PTDSS2: variants seen among roughly 807,000 people sequenced by gnomAD.
PTDSS2 encodes PSS-2.
Under a neutral mutation model 64.7 loss-of-function variants are expected in PTDSS2, and 41 were observed. The observed-to-expected ratio is 0.63, with a 90% CI of 0.49 to 0.82. The LOEUF (loss-of-function observed/expected upper bound fraction) is 0.82. Ranked by LOEUF, PTDSS2 falls within the 40% of genes least tolerant of loss-of-function variation. PTDSS2 has a pLI of 0.00. For missense variants in PTDSS2, 485 were observed against 650.0 expected (o/e 0.75, Z 2.76); for synonymous variants, 297 against 277.8 (o/e 1.07, Z -0.69).
rs112128143 is a variant in PTDSS2 at position 486,720 on chromosome 11, C to T, written c.436-219C>T. 8.2e-3 allele frequency among the ~76,000 whole-genome samples: 1,251 copies of T among 152,090 alleles called. 21 individuals are homozygous for T. The highest frequency in any genetic ancestry group is 0.029 in the African/African-American group (1,186 of 41,496). On this transcript the variant is annotated intron_variant, in intron 4 of 11. Coordinates refer to ENST00000308020, the MANE Select transcript of PTDSS2 (RefSeq NM_030783.3). ...AATACTAGCCGGGCGTGGTGGCGGG[C>T]GCCTGTAGTCCCAGCTACTCGGGAG... is the stretch of plus-strand genomic sequence containing the variant.
chr11:487,462 T>G lies in PTDSS2; in HGVS notation c.613T>G (p.Tyr205Asp), dbSNP rs1409830731. ...TGTTCCCGCGCACTTTCTTGGCTGG[T>G]ACCTGAAGGTACGGCACCTCCTCTT... ...GFVPAHFLGW[Y>D]LKTLMIRDWW... The change falls in exon 6 of 12, where the codon TAC becomes GAC. Residue 205 changes from tyrosine (Y) to aspartate (D), a missense_variant. Tyr to Asp is a radical substitution (Grantham distance 160). Coordinates refer to ENST00000308020, the MANE Select transcript of PTDSS2 (RefSeq NM_030783.3). The G allele has an allele frequency of 3.7e-6, 6 of 1,613,848 alleles. No homozygotes were observed. Among genetic ancestry groups the G allele is most frequent in the Non-Finnish European group, 5.1e-6 (6 of 1,179,948 alleles).
chr11:479,201 G>A lies in PTDSS2; in HGVS notation c.435+49G>A, dbSNP rs1259959456. 6.8e-7 allele frequency: 1 copy of A among 1,471,606 alleles called. No individual in the cohort carries two copies. The highest frequency in any genetic ancestry group is 9.5e-7 in the Non-Finnish European group (1 of 1,049,876). The allele number at this position is 1,471,606 out of a possible 1,614,324, so 91.2% of individuals were successfully genotyped here. On this transcript the variant is annotated intron_variant, in intron 4 of 11. Coordinates refer to ENST00000308020, the MANE Select transcript of PTDSS2 (RefSeq NM_030783.3). This position sits in a 1 kb window ranked among gnomAD's most constrained non-coding sequence, Gnocchi z 4.2. The stretch of plus-strand genomic sequence containing the variant: ...TACCTGGGAACTTAGGTGACAGTGT[G>A]GCCCCAGGCATGGTGACAAAGGAGG...
At chr11:486,741 G>T (rs1165862148) in intron 4 of PTDSS2, 198 bp from the exon 5 acceptor site, 3 of 253,828 alleles carry the variant, frequency 1.2e-5, no homozygotes, top group African/African-American at 4.6e-5. Context: ...CCAGCTACTC[G>T]GGAGGCTGAG....
intron 7 of PTDSS2, 32 bp from the exon 8 acceptor site, chr11:488,497 C>T: frequency 1.3e-6 from 2 of 1,573,950 alleles, no homozygotes; most frequent in South Asian, 2.2e-5. Flanking sequence ...TTACCCCTCA[C>T]CCCTGCAACG....
intron 6 of PTDSS2, among the ~76,000 whole-genome samples, chr11:487,817 C>T (rs1848464017): frequency 6.6e-6 from 1 of 152,232 alleles, no homozygotes; most frequent in Non-Finnish European, 1.5e-5. Flanking sequence ...CTGCAGCCCA[C>T]CCTGGCAGAG....
In PTDSS2 at chr11:486,932, C is replaced by G. The variant is rs757731658; in HGVS notation, c.436-7C>G. 20 of 1,607,862 alleles carry G rather than the reference C, an allele frequency of 1.2e-5. No individual in the cohort carries two copies. In the South Asian group the frequency reaches 2.2e-4, roughly 18 times the overall value. The stretch of plus-strand genomic sequence containing the variant: ...TAGCCCCGCTGACGGGGGCACTGGC[C>G]TTGCAGACTGTCCAGGACGGCCGGC... On this transcript the variant is annotated splice_polypyrimidine_tract_variant and splice_region_variant and intron_variant, in intron 4 of 11. Transcript: ENST00000308020.
chr11:454,887 G>A (rs1295155910), intron 1 of PTDSS2, among the ~76,000 whole-genome samples: 1 of 152,226 alleles, frequency 6.6e-6, no homozygotes, highest in African/African-American at 2.4e-5. Flanking sequence ...GACACAGGCT[G>A]CTCACCCCAT....
intron 4 of PTDSS2, among the ~76,000 whole-genome samples, chr11:485,568 CCG>C (rs1564992046): frequency 1.2e-5 from 1 of 86,290 alleles, no homozygotes; most frequent in Non-Finnish European, 2.3e-5. Context: ...CGTGTGCTCA[CCG>C]TGTGCGCAGG....
At chr11:488,156 T>G in intron 6 of PTDSS2, 43 bp from the exon 7 acceptor site, 1 of 1,429,632 alleles carries the variant, frequency 7.0e-7, no homozygotes, top group Admixed American at 1.7e-5. Flanking sequence ...CAGGGCCGGG[T>G]GTGGCCGGCG....
intron 8 of PTDSS2, among the ~76,000 whole-genome samples, chr11:489,094 C>G (rs1172494226): frequency 1.3e-5 from 2 of 152,258 alleles, no homozygotes; most frequent in Non-Finnish European, 2.9e-5. Context: ...GCTCACGGCA[C>G]CGTGGAGCGC....
At chr11:486,717 G>A (rs182372407) in intron 4 of PTDSS2, among the ~76,000 whole-genome samples, 35 of 152,194 alleles carry the variant, frequency 2.3e-4, no homozygotes, top group Admixed American at 7.2e-4. Flanking sequence ...GCGTGGTGGC[G>A]GGCGCCTGTA....
At chr11:465,753 A>ACCCC (rs55838661) in intron 2 of PTDSS2, among the ~76,000 whole-genome samples, 13 of 138,626 alleles carry the variant, frequency 9.4e-5, no homozygotes, top group African/African-American at 3.5e-4. Context: ...AGTGAGGACC[A>ACCCC]CCCCCCCCCC....
chr11:460,138 C>T lies in PTDSS2; in HGVS notation c.183-49C>T. 1 of 1,468,664 alleles carries T rather than the reference C, an allele frequency of 6.8e-7. No individual in the cohort carries two copies. Among genetic ancestry groups the T allele is most frequent in the Non-Finnish European group, 9.5e-7 (1 of 1,049,244 alleles). 91.0% of individuals were successfully genotyped at this position (1,468,664 alleles called of 1,614,324 possible). A position where few individuals can be genotyped will look rare whatever the true frequency, so the allele number is the denominator to read the frequency against. On this transcript the variant is annotated intron_variant, in intron 1 of 11. Coordinates refer to ENST00000308020, the MANE Select transcript of PTDSS2 (RefSeq NM_030783.3). The surrounding 1 kb of genome is among the most constrained non-coding windows in gnomAD (Gnocchi z 5.8). ...TGGGGCCTGTTACGTGAGTATTTAGCAATGCTGCCCAAGCTCTGACACCAT... is the reference window on the plus strand; with the variant it reads ...TGGGGCCTGTTACGTGAGTATTTAGTAATGCTGCCCAAGCTCTGACACCAT...
At chr11:466,907 T>C (rs1328831863) in intron 2 of PTDSS2, among the ~76,000 whole-genome samples, 1 of 151,968 alleles carries the variant, frequency 6.6e-6, no homozygotes, top group Non-Finnish European at 1.5e-5. Flanking sequence ...ATACAAAAAT[T>C]AGCCAGGCGT....
At chr11:487,208 C>A in intron 5 of PTDSS2, 135 bp downstream of exon 5, 1 of 1,023,800 alleles carries the variant, frequency 9.8e-7, no homozygotes, top group Non-Finnish European at 1.5e-6. Flanking sequence ...TGCTGAGGCC[C>A]TGTCCGTCTG....
chr11:465,283 T>G (rs1165721792), intron 2 of PTDSS2, among the ~76,000 whole-genome samples: 1 of 152,212 alleles, frequency 6.6e-6, no homozygotes, highest in Non-Finnish European at 1.5e-5. Context: ...CTCCAACTCC[T>G]GGCCTCCAGC....
At position 473,941 on chromosome 11, in the gene PTDSS2, C is replaced by A; in HGVS notation, c.331C>A (p.Gln111Lys). 6.2e-7 allele frequency: 1 copy of A among 1,614,140 alleles called. No individual in the cohort carries two copies. The highest frequency in any genetic ancestry group is 1.1e-5 in the South Asian group (1 of 91,090). Residue 111 changes from glutamine (Q) to lysine (K), a missense_variant, in exon 3 of 12, where the codon CAA becomes AAA. Physicochemically the swap from Gln to Lys is moderately conservative, Grantham distance 53. Around this residue, in one of 3 missense-constraint regions of PTDSS2, gnomAD observed 251 missense variants for 348.0 expected, o/e 0.72. Coordinates refer to ENST00000308020, the MANE Select transcript of PTDSS2 (RefSeq NM_030783.3). The part of the protein sequence containing the change: ...ILVFLCFGVT[Q>K]AKDGPFSRPH... ...GGTTTTCTTATGTTTTGGAGTCACACAAGCTAAAGACGGGCCATTTTCCAG... is the reference window on the plus strand; with the variant it reads ...GGTTTTCTTATGTTTTGGAGTCACAAAAGCTAAAGACGGGCCATTTTCCAG...
intron 1 of PTDSS2, chr11:451,313 GC>G: frequency 2.6e-5 from 11 of 419,654 alleles, no homozygotes; most frequent in South Asian, 4.8e-5. Flanking sequence ...AAAGGAAGAG[GC>G]CCCCGGGAGC....
chr11:463,895 T>C (rs551116402), intron 2 of PTDSS2: 2 of 152,334 alleles, frequency 1.3e-5, no homozygotes, highest in Admixed American at 1.3e-4. Context: ...TAAAAAGTTA[T>C]AAAACTAGTG....
Sources: allele counts gnomAD v4.1 joint callset (sites outside exome capture counted in the v4.1 genomes callset), GRCh38; gene constraint gnomAD v4.1.1; regional missense constraint gnomAD v4.1.1; non-coding constraint Gnocchi (gnomAD v3.1); transcripts MANE v1.5; gene names NCBI Gene and HGNC (gene_info 2026-07-23, HGNC 2026-07-21).